TAFA5: variants seen among roughly 807,000 people sequenced by gnomAD.
The protein encoded by TAFA5 is TAFA chemokine like family member 5, also known as chemokine-like protein TAFA-5.
TAFA5 carries 6 observed loss-of-function variants against 15.3 expected under a neutral mutation model. The observed-to-expected ratio is 0.39, with a 90% CI of 0.21 to 0.77. The LOEUF (loss-of-function observed/expected upper bound fraction) is 0.77. Ranked by LOEUF, TAFA5 falls within the 30% of genes least tolerant of loss-of-function variation. The pLI is 0.41. For synonymous variants in TAFA5, 103 were observed against 80.7 expected (o/e 1.28, Z -1.48); for missense variants, 161 against 193.1 (o/e 0.83, Z 0.98).
intron 2 of TAFA5, among the ~76,000 whole-genome samples, chr22:48,659,596 G>C (rs111299101): frequency 8.5e-5 from 13 of 152,192 alleles, no homozygotes; most frequent in African/African-American, 3.1e-4. Context: ...GGCATTCTTT[G>C]CCCTTGTCCT....
At chr22:48,691,954 G>A (rs371380626) in intron 2 of TAFA5, among the ~76,000 whole-genome samples, 1 of 152,302 alleles carries the variant, frequency 6.6e-6, no homozygotes. Context: ...GACACTAGGT[G>A]CCCTGGAGGG....
At chr22:48,658,033 C>G (rs1457750923) in intron 2 of TAFA5, among the ~76,000 whole-genome samples, 14 of 152,214 alleles carry the variant, frequency 9.2e-5, no homozygotes, top group Admixed American at 6.5e-4. Flanking sequence ...TTTGAAAAAT[C>G]TTTGAGGAAA....
At chr22:48,589,019 C>T (rs975865820) in intron 1 of TAFA5, among the ~76,000 whole-genome samples, 8 of 152,222 alleles carry the variant, frequency 5.3e-5, no homozygotes, top group Non-Finnish European at 8.8e-5. Context: ...TTCGCTTCAC[C>T]GATAGAAGAA....
intron 2 of TAFA5, among the ~76,000 whole-genome samples, chr22:48,667,131 G>A (rs967940910): frequency 5.9e-5 from 9 of 152,118 alleles, no homozygotes; most frequent in African/African-American, 9.7e-5. Context: ...CAGCAGGCCC[G>A]TTTCTGCCTG....
At chr22:48,605,508 C>T (rs1047461839) in intron 1 of TAFA5, among the ~76,000 whole-genome samples, 6 of 149,412 alleles carry the variant, frequency 4.0e-5, no homozygotes, top group Non-Finnish European at 3.0e-5. Context: ...GTAATGGCAA[C>T]GATGGTTGTG....
intron 3 of TAFA5, among the ~76,000 whole-genome samples, chr22:48,722,874 G>C (rs132252): frequency 0.41 from 61,985 of 151,662 alleles, 13,545 homozygotes; most frequent in Non-Finnish European, 0.48. Context: ...AGCATATGTA[G>C]AACTGGACGC....
chr22:48,540,108 G>T (rs1029726749), intron 1 of TAFA5, among the ~76,000 whole-genome samples: 13 of 152,204 alleles, frequency 8.5e-5, no homozygotes, highest in East Asian at 1.9e-4. Flanking sequence ...CCCCTCACCC[G>T]CAGTGAACCT....
rs894233222 is a variant in TAFA5 at position 48,490,678 on chromosome 22, C to G, written c.112+974C>G. Among the ~76,000 whole-genome samples, 58 of 148,750 alleles carry G rather than the reference C, an allele frequency of 3.9e-4. No homozygotes were observed. Among genetic ancestry groups the G allele is most frequent in the Non-Finnish European group, 6.7e-4 (45 of 67,620 alleles). Reference sequence around the variant, plus strand: ...CGGCTTCAGCTCCGGGAGCTCCGGGCTTCTTGTCTTCAGCGGGAGAATAGG... The same window carrying G: ...CGGCTTCAGCTCCGGGAGCTCCGGGGTTCTTGTCTTCAGCGGGAGAATAGG... On this transcript the variant is annotated intron_variant, in intron 1 of 3. Transcript: ENST00000402357. The surrounding 1 kb of genome is among the most constrained non-coding windows in gnomAD (Gnocchi z 5.8).
At chr22:48,747,548 C>G (rs1227007974) in intron 3 of TAFA5, among the ~76,000 whole-genome samples, 1 of 152,190 alleles carries the variant, frequency 6.6e-6, no homozygotes, top group African/African-American at 2.4e-5. Context: ...TTCACGCTGT[C>G]TTGCTGCTTT....
rs937406945 is a variant in TAFA5, at chr22:48,594,071, G to A, written c.113-52526G>A. ...AAAAGCTTTTTTCCAGGGCGCTGAG[G>A]CCTGTGGATCCTCCCAGGCCCTGGT... is the stretch of plus-strand genomic sequence containing the variant. On this transcript the variant is annotated intron_variant, in intron 1 of 3. Coordinates refer to ENST00000402357, the MANE Select transcript of TAFA5 (RefSeq NM_001082967.3). 5.9e-4 allele frequency among the ~76,000 whole-genome samples: 90 copies of A among 152,232 alleles called. 1 individual carries two copies. Among genetic ancestry groups the A allele is most frequent in the Admixed American group, 3.3e-4 (5 of 15,290 alleles).
At chr22:48,576,098 C>T (rs1357357333) in intron 1 of TAFA5, among the ~76,000 whole-genome samples, 1 of 139,954 alleles carries the variant, frequency 7.1e-6, no homozygotes, top group Non-Finnish European at 1.6e-5. Context: ...CGTCCGGGCC[C>T]TGCTGGCGGT....
intron 1 of TAFA5, among the ~76,000 whole-genome samples, chr22:48,615,820 A>G (rs1175467392): frequency 2.6e-5 from 4 of 152,086 alleles, no homozygotes; most frequent in Non-Finnish European, 5.9e-5. Context: ...GTCCGCAGAG[A>G]ACCCCCTCCC....
intron 2 of TAFA5, among the ~76,000 whole-genome samples, chr22:48,701,183 A>G (rs755556603): frequency 3.3e-5 from 5 of 152,170 alleles, no homozygotes; most frequent in Admixed American, 1.3e-4. Context: ...AGTAGAGGAC[A>G]TGGGGCAGAG....
At chr22:48,537,693 C>T (rs1243378773) in intron 1 of TAFA5, among the ~76,000 whole-genome samples, 1 of 152,244 alleles carries the variant, frequency 6.6e-6, no homozygotes, top group African/African-American at 2.4e-5. Context: ...CAGGGTCCTG[C>T]AGCTCTCCCT....
At position 48,708,438 on chromosome 22, in the gene TAFA5, C is replaced by G. The variant is rs540354460; in HGVS notation, c.390+594C>G. Among the ~76,000 whole-genome samples, 12 of 152,344 alleles carry G rather than the reference C, an allele frequency of 7.9e-5. No individual in the cohort carries two copies. In the South Asian group the frequency reaches 2.5e-3, roughly 32 times the overall value. ...GCTGACCTGGGTCTCTAGAGCTGCT[C>G]TTCCCAAGGGCGGGAGCTTGGGGAA... On this transcript the variant is annotated intron_variant, in intron 3 of 3. Transcript: ENST00000402357.
chr22:48,606,106 C>T (rs954236990), intron 1 of TAFA5, among the ~76,000 whole-genome samples: 3 of 152,180 alleles, frequency 2.0e-5, no homozygotes, highest in Admixed American at 1.3e-4. Context: ...TGCTGGTGCA[C>T]CTGCCCCAAG....
chr22:48,584,160 C>T (rs140733776), intron 1 of TAFA5, among the ~76,000 whole-genome samples: 2,056 of 148,132 alleles, frequency 0.014, 53 homozygotes, highest in African/African-American at 0.05. Flanking sequence ...ACATCACATA[C>T]ATCATACACA....
At chr22:48,662,968 C>G (rs187012745) in intron 2 of TAFA5, among the ~76,000 whole-genome samples, 62 of 152,304 alleles carry the variant, frequency 4.1e-4, no homozygotes, top group Non-Finnish European at 6.8e-4. Context: ...TCAGACCACT[C>G]GGCAGATCTG....
intron 2 of TAFA5, among the ~76,000 whole-genome samples, chr22:48,653,101 A>C (rs1032381163): frequency 6.6e-6 from 1 of 151,980 alleles, no homozygotes; most frequent in African/African-American, 2.4e-5. Flanking sequence ...GACTGCTGCC[A>C]CCCGCGGCCT....
Sources: allele counts gnomAD v4.1 joint callset (sites outside exome capture counted in the v4.1 genomes callset), GRCh38; gene constraint gnomAD v4.1.1; non-coding constraint Gnocchi (gnomAD v3.1); transcripts MANE v1.5; gene names NCBI Gene and HGNC (gene_info 2026-07-23, HGNC 2026-07-21).